The following GGT5 variants were observed in gnomAD, a reference collection of about 807,000 sequenced individuals.
GGT5 encodes the protein glutathione hydrolase 5 proenzyme.
A neutral mutation model predicts 58.1 loss-of-function variants in GGT5; 50 were observed. That is an observed-to-expected ratio of 0.86 (90% CI 0.69 to 1.09). The LOEUF is 1.09. Among genes scored for constraint, GGT5 ranks in the 50% least tolerant of loss-of-function variants. GGT5 has a pLI of 0.00. For missense variants in GGT5, 800 were observed against 789.4 expected (o/e 1.01, Z -0.16); for synonymous variants, 370 against 346.1 (o/e 1.07, Z -0.77).
At chr22:24,226,603 A>G (rs994555456) in intron 7 of GGT5, 28 bp downstream of exon 7, 2 of 1,612,116 alleles carry the variant, frequency 1.2e-6, no homozygotes, top group African/African-American at 1.3e-5. Context: ...AGGACGGCCC[A>G]CCAGCCCAGC....
chr22:24,236,591 A>G (rs1337154508), intron 1 of GGT5, among the ~76,000 whole-genome samples: 2 of 152,096 alleles, frequency 1.3e-5, no homozygotes, highest in Non-Finnish European at 2.9e-5. Flanking sequence ...GTGAAACCCC[A>G]TCTCTATTAA....
chr22:24,233,392 C>T, intron 3 of GGT5, 106 bp downstream of exon 3: 1 of 657,392 alleles, frequency 1.5e-6, no homozygotes, highest in East Asian at 2.7e-5. Flanking sequence ...TCCCCCCGTG[C>T]CAGGGAGTCA....
intron 6 of GGT5, 32 bp from the exon 7 acceptor site, chr22:24,226,799 G>T (rs746215157): frequency 1.2e-6 from 2 of 1,610,014 alleles, no homozygotes; most frequent in Non-Finnish European, 1.7e-6. Flanking sequence ...GGTTGGTTGG[G>T]GTCACCCTAT....
intron 11 of GGT5, among the ~76,000 whole-genome samples, chr22:24,223,620 G>A (rs1213179158): frequency 6.6e-6 from 1 of 152,026 alleles, no homozygotes; most frequent in African/African-American, 2.4e-5. Context: ...TAAGGCTCTT[G>A]GGACTACACT....
chr22:24,232,443 G>A (rs1311188457), intron 4 of GGT5, among the ~76,000 whole-genome samples: 2 of 152,140 alleles, frequency 1.3e-5, no homozygotes, highest in East Asian at 3.9e-4. Flanking sequence ...GTGGGGCCTG[G>A]GTCCACCTAG....
At chr22:24,225,207 C>T (rs2047713897) in intron 10 of GGT5, 38 bp downstream of exon 10, 1 of 1,605,200 alleles carries the variant, frequency 6.2e-7, no homozygotes, top group Non-Finnish European at 8.5e-7. Flanking sequence ...GTATGCTGCC[C>T]AGAGAGGAGA....
rs371500873 is a variant in GGT5 at position 24,225,066 on chromosome 22, G to A, written c.1544C>T (p.Ala515Val). 60 of 1,600,266 alleles carry A rather than the reference G, an allele frequency of 3.7e-5. No individual in the cohort carries two copies. Among genetic ancestry groups the A allele is most frequent in the Non-Finnish European group, 4.9e-5 (57 of 1,173,648 alleles). The stretch of plus-strand genomic sequence containing the variant: ...ATGCAGGATGGGGGCTGCAATGGCC[G>A]CTCTCAGGTCAAAGCCAAGCCACAG... ...SKLWLGFDLRAAIAAPILHVN... is the reference protein window; with the variant it reads ...SKLWLGFDLRVAIAAPILHVN... The change falls in exon 11 of 12, where the codon GCG becomes GTG. Residue 515 changes from alanine (A) to valine (V), a missense_variant. Ala to Val is a moderately conservative substitution (Grantham distance 64). Coordinates refer to ENST00000327365, the MANE Select transcript of GGT5 (RefSeq NM_004121.5).
At position 24,226,145 on chromosome 22, in the gene GGT5, C is replaced by T; in HGVS notation, c.1160G>A (p.Gly387Asp). The change falls in exon 8 of 12, where the codon GGC (glycine) becomes GAC (aspartate). Residue 387 changes from glycine (G) to aspartate (D), a missense_variant. Coordinates refer to ENST00000327365, the MANE Select transcript of GGT5 (RefSeq NM_004121.5). ...SLAEAWGHGT[G>D]TSHVSVLGED... is the part of the protein sequence containing the mutation. The stretch of plus-strand genomic sequence containing the variant: ...CCCCAGCACAGACACATGGGACGTG[C>T]CTGTCCCGTGGCCCCAGGCCTCGGC... The T allele has an allele frequency of 6.2e-7, 1 of 1,611,214 alleles. No homozygotes were observed. Among genetic ancestry groups the T allele is most frequent in the South Asian group, 1.1e-5 (1 of 91,022 alleles).
intron 1 of GGT5, among the ~76,000 whole-genome samples, chr22:24,238,888 AT>A (rs59505687): frequency 4.1e-4 from 6 of 14,634 alleles, no homozygotes; most frequent in Non-Finnish European, 5.0e-4. Flanking sequence ...TATATTATAT[AT>A]TTTATATATA....
rs373748769 is a variant in GGT5 at position 24,233,882 on chromosome 22, A to T, written c.296T>A (p.Val99Glu). The change falls in exon 2 of 12, where the codon GTG becomes GAG. Residue 99 changes from valine (V) to glutamate (E), a missense_variant. By Grantham distance (121) the Val-to-Glu change is moderately radical (BLOSUM62 -2). Coordinates refer to ENST00000327365, the MANE Select transcript of GGT5 (RefSeq NM_004121.5). Reference protein sequence around the residue: ...GGGVIFTIYNVTTGKVEVINA... With the variant: ...GGGVIFTIYNETTGKVEVINA... Reference sequence around the variant, plus strand: ...TTCACATGTGGGCCCACCTGTTGTCACATTGTAGATGGTGAAGATGACCCC... The same window carrying T: ...TTCACATGTGGGCCCACCTGTTGTCTCATTGTAGATGGTGAAGATGACCCC... 3.1e-6 allele frequency: 5 copies of T among 1,613,518 alleles called. No homozygotes were observed. The highest frequency in any genetic ancestry group is 4.2e-6 in the Non-Finnish European group (5 of 1,179,582).
intron 1 of GGT5, among the ~76,000 whole-genome samples, chr22:24,238,375 C>CA (rs2048161472): frequency 1.3e-5 from 2 of 151,322 alleles, no homozygotes; most frequent in Admixed American, 6.6e-5. Flanking sequence ...ACTACAAATA[C>CA]AAAAAAATTA....
rs201674335 is a variant in GGT5 at position 24,234,011 on chromosome 22, G to A, written c.174-7C>T. ...CTGCTGCTGGAGGATGGCTCTAGGG[G>A]ACATGGCACAGAGTCGCTGTGGGGC... is the stretch of plus-strand genomic sequence containing the variant. On this transcript the variant is annotated splice_polypyrimidine_tract_variant and splice_region_variant and intron_variant, in intron 1 of 11. Coordinates refer to ENST00000327365, the MANE Select transcript of GGT5 (RefSeq NM_004121.5). 11 of 1,602,404 alleles carry A rather than the reference G, an allele frequency of 6.9e-6. No individual in the cohort carries two copies. The East Asian group carries it at 2.3e-4, about 33-fold the overall frequency.
intron 6 of GGT5, 47 bp downstream of exon 6, chr22:24,231,337 G>T: frequency 1.4e-6 from 2 of 1,386,156 alleles, no homozygotes; most frequent in Admixed American, 2.0e-5. Context: ...GGGGGCCGGG[G>T]GTGCGGGGGA....
At chr22:24,222,398 T>C (rs755427655) in intron 11 of GGT5, among the ~76,000 whole-genome samples, 7 of 152,144 alleles carry the variant, frequency 4.6e-5, no homozygotes, top group Non-Finnish European at 8.8e-5. Flanking sequence ...GTCCTTAGAC[T>C]TGAAGGCCAA....
At chr22:24,238,743 T>A (rs1199853477) in intron 1 of GGT5, among the ~76,000 whole-genome samples, 2 of 82,688 alleles carry the variant, frequency 2.4e-5, no homozygotes, top group Admixed American at 2.0e-4. Flanking sequence ...TATATATATG[T>A]GTGTGTATAT....
chr22:24,222,899 A>C (rs1260779702), intron 11 of GGT5, among the ~76,000 whole-genome samples: 5 of 151,444 alleles, frequency 3.3e-5, no homozygotes, highest in African/African-American at 2.4e-5. Context: ...AACACGGTGA[A>C]ACCCTGTCTC....
chr22:24,238,801 A>G (rs1409645191), intron 1 of GGT5, among the ~76,000 whole-genome samples: 1 of 2,690 alleles, frequency 3.7e-4, no homozygotes, highest in Non-Finnish European at 6.4e-4. Flanking sequence ...ATATTTATAT[A>G]TATATAATAT....
At position 24,226,650 on chromosome 22, in the gene GGT5, C is replaced by T. The variant is rs769710326; in HGVS notation, c.1019G>A (p.Arg340Gln). Residue 340 changes from arginine to glutamine, a missense_variant, in exon 7 of 12, where the codon CGA becomes CAA. By Grantham distance (43) the Arg-to-Gln change is conservative (BLOSUM62 1). Transcript: ENST00000327365. ...KGQRWRLGDPRSHPKLQNASR... is the reference protein window; with the variant it reads ...KGQRWRLGDPQSHPKLQNASR... ...CCTCACCTGGAGCTTCGGGTGGCTT[C>T]GAGGGTCCCCCAGCCTCCACCTCTG... The T allele has an allele frequency of 8.1e-6, 13 of 1,613,934 alleles. No individual in the cohort carries two copies. The highest frequency in any genetic ancestry group is 3.3e-5 in the Admixed American group (2 of 59,972).
At chr22:24,239,379 A>G (rs2048268609) in intron 1 of GGT5, among the ~76,000 whole-genome samples, 1 of 152,088 alleles carries the variant, frequency 6.6e-6, no homozygotes, top group South Asian at 2.1e-4. Context: ...GTGTGGGTAA[A>G]TCTAAATGAA....
Sources: allele counts gnomAD v4.1 joint callset (sites outside exome capture counted in the v4.1 genomes callset), GRCh38; gene constraint gnomAD v4.1.1; transcripts MANE v1.5; gene names NCBI Gene and HGNC (gene_info 2026-07-23, HGNC 2026-07-21).